Variants in C9orf152 observed in about 807,000 individuals in gnomAD.
C9orf152 encodes chromosome 9 open reading frame 152.
Under a neutral mutation model 8.5 loss-of-function variants are expected in C9orf152, and 8 were observed. The ratio of observed to expected loss-of-function variants is 0.94; its 90% CI spans 0.55 to 1.70. The LOEUF is 1.70. Among genes scored for constraint, C9orf152 ranks in the 40% most tolerant of loss-of-function variants. The probability of loss-of-function intolerance (pLI) is 0.00; values close to 1 mark genes in which losing one functional copy is unlikely to be tolerated. For missense variants in C9orf152, 293 were observed against 286.2 expected (o/e 1.02, Z -0.17); for synonymous variants, 109 against 113.0 (o/e 0.96, Z 0.22).
At position 110,207,392 on chromosome 9, in the gene C9orf152, G is replaced by C. The variant is rs776338314; in HGVS notation, c.188C>G (p.Pro63Arg). Reference protein sequence around the residue: ...QRTQAHLLVLPKGGNTPAPAE... With the variant: ...QRTQAHLLVLRKGGNTPAPAE... Reference sequence around the variant, plus strand: ...CAGCACCTGTCCATTCCTACCTTTTGGAAGCACCAGGAGGTGGGCCTGGGT... The same window carrying C: ...CAGCACCTGTCCATTCCTACCTTTTCGAAGCACCAGGAGGTGGGCCTGGGT... Residue 63 changes from proline (P) to arginine (R), a missense_variant, in exon 1 of 2, where the codon CCA becomes CGA. By Grantham distance (103) the Pro-to-Arg change is moderately radical. Coordinates refer to ENST00000400613, the MANE Select transcript of C9orf152 (RefSeq NM_001012993.3). 2 of 1,611,834 alleles carry C rather than the reference G, an allele frequency of 1.2e-6. No homozygotes were observed. Among genetic ancestry groups the C allele is most frequent in the African/African-American group, 2.7e-5 (2 of 74,954 alleles).
At chr9:110,206,287 T>A (rs988278296) in intron 1 of C9orf152, among the ~76,000 whole-genome samples, 3 of 151,296 alleles carry the variant, frequency 2.0e-5, no homozygotes, top group Non-Finnish European at 4.4e-5. Flanking sequence ...GAATTTGAGA[T>A]GTCTTTGGAT....
At chr9:110,205,650 G>A (rs1450107473) in intron 1 of C9orf152, among the ~76,000 whole-genome samples, 2 of 152,166 alleles carry the variant, frequency 1.3e-5, no homozygotes, top group Non-Finnish European at 2.9e-5. Context: ...TATGTAACTT[G>A]TTTAAAGCTG....
chr9:110,200,901 GGCCATA>G lies in C9orf152; in HGVS notation c.*41_*46del. The G allele has an allele frequency of 6.5e-7, 1 of 1,538,860 alleles. No individual in the cohort carries two copies. Among genetic ancestry groups the G allele is most frequent in the South Asian group, 1.3e-5 (1 of 76,760 alleles). Reference sequence around the variant, plus strand: ...CTCTGCCTCCTTGGTTCTTCTATAAGGCCATAGGTGGCCTCAAGGTCAAGACATCTG... The same window carrying G: ...CTCTGCCTCCTTGGTTCTTCTATAAGGGTGGCCTCAAGGTCAAGACATCTG... On this transcript the variant is annotated 3_prime_UTR_variant, in exon 2 of 2. Transcript: ENST00000400613.
At chr9:110,202,925 T>G (rs1417659312) in intron 1 of C9orf152, among the ~76,000 whole-genome samples, 1 of 152,034 alleles carries the variant, frequency 6.6e-6, no homozygotes, top group Non-Finnish European at 1.5e-5. Context: ...CTGTCAACAC[T>G]AACTCTAGTG....
rs369560188 is a variant in C9orf152 at position 110,200,977 on chromosome 9, G to C, written c.691C>G (p.Arg231Gly). The C allele has an allele frequency of 9.3e-6, 15 of 1,612,810 alleles. 1 individual carries two copies. In the South Asian group the frequency reaches 1.7e-4, roughly 18 times the overall value. Reference sequence around the variant, plus strand: ...GCTGAGCCATATAAGCCCAGGTTCCGGGCAGCTTGGGAGATCCTGGGTGTT... The same window carrying C: ...GCTGAGCCATATAAGCCCAGGTTCCCGGCAGCTTGGGAGATCCTGGGTGTT... ...RKTPRISQAA[R>G]NLGLYGSA The change falls in exon 2 of 2, where the codon CGG (arginine) becomes GGG (glycine). Residue 231 changes from arginine (R) to glycine (G), a missense_variant. Coordinates refer to ENST00000400613, the MANE Select transcript of C9orf152 (RefSeq NM_001012993.3).
chr9:110,207,405 G>A lies in C9orf152; in HGVS notation c.175C>T (p.Leu59Phe), dbSNP rs373265236. 17 of 1,612,462 alleles carry A rather than the reference G, an allele frequency of 1.1e-5. 1 individual carries two copies. The highest frequency in any genetic ancestry group is 3.3e-5 in the South Asian group (3 of 90,812). Residue 59 changes from leucine (L) to phenylalanine (F), a missense_variant, in exon 1 of 2, where the codon CTC becomes TTC. Leu to Phe is a conservative substitution (Grantham distance 22). Coordinates refer to ENST00000400613, the MANE Select transcript of C9orf152 (RefSeq NM_001012993.3). ...LKRQQRTQAHLLVLPKGGNTP... is the reference protein window; with the variant it reads ...LKRQQRTQAHFLVLPKGGNTP... ...TTCCTACCTTTTGGAAGCACCAGGA[G>A]GTGGGCCTGGGTCCTCTGCTGCCTC... is the stretch of plus-strand genomic sequence containing the variant.
In C9orf152 at chr9:110,200,723, A is replaced by T; in HGVS notation, c.*225T>A. 2 of 534,354 alleles carry T rather than the reference A, an allele frequency of 3.7e-6. No homozygotes were observed. Among genetic ancestry groups the T allele is most frequent in the Non-Finnish European group, 3.3e-6 (1 of 304,300 alleles). The allele number at this position is 534,354 out of a possible 1,614,324, so 33.1% of individuals were successfully genotyped here. On this transcript the variant is annotated 3_prime_UTR_variant, in exon 2 of 2. Transcript: ENST00000400613. Reference sequence around the variant, plus strand: ...CAGAATGGGGCTGCACTGACCAGACAGTCCTCTTCATCCTAAACTGTGGGC... The same window carrying T: ...CAGAATGGGGCTGCACTGACCAGACTGTCCTCTTCATCCTAAACTGTGGGC...
intron 1 of C9orf152, among the ~76,000 whole-genome samples, chr9:110,203,748 C>A (rs1026079258): frequency 6.6e-6 from 1 of 152,174 alleles, no homozygotes; most frequent in Admixed American, 6.5e-5. Context: ...ATCTATAATA[C>A]CTTCTTCATT....
intron 1 of C9orf152, among the ~76,000 whole-genome samples, chr9:110,201,679 A>T (rs1189103572): frequency 6.6e-6 from 1 of 152,164 alleles, no homozygotes; most frequent in Non-Finnish European, 1.5e-5. Context: ...ATATACTCAC[A>T]CACACACAAT....
chr9:110,207,445 C>A lies in C9orf152; in HGVS notation c.135G>T (p.Gln45His). 1 of 1,613,542 alleles carries A rather than the reference C, an allele frequency of 6.2e-7. No homozygotes were observed. Among genetic ancestry groups the A allele is most frequent in the Non-Finnish European group, 8.5e-7 (1 of 1,179,724 alleles). Reference sequence around the variant, plus strand: ...TCTGCTGCCTCTTCAAGCCTTCATACTGGGCTCGCAGGAACTGGATGCTGA... The same window carrying A: ...TCTGCTGCCTCTTCAAGCCTTCATAATGGGCTCGCAGGAACTGGATGCTGA... ...PPLSIQFLRA[Q>H]YEGLKRQQRT... The change falls in exon 1 of 2, where the codon CAG (glutamine) becomes CAT (histidine). Residue 45 changes from glutamine to histidine, a missense_variant. By Grantham distance (24) the Gln-to-His change is conservative (BLOSUM62 0). Transcript: ENST00000400613.
chr9:110,203,321 C>A (rs1837242957), intron 1 of C9orf152, among the ~76,000 whole-genome samples: 1 of 152,066 alleles, frequency 6.6e-6, no homozygotes, highest in Admixed American at 6.5e-5. Context: ...CCGCGGCCAG[C>A]CAAAGGAAAC....
chr9:110,202,844 C>T (rs1837238214), intron 1 of C9orf152, among the ~76,000 whole-genome samples: 1 of 151,932 alleles, frequency 6.6e-6, no homozygotes, highest in Non-Finnish European at 1.5e-5. Flanking sequence ...AAAGAAGCCC[C>T]TGAGCTCCAA....
intron 1 of C9orf152, among the ~76,000 whole-genome samples, chr9:110,206,907 C>T (rs562037218): frequency 1.4e-4 from 21 of 152,222 alleles, no homozygotes; most frequent in Non-Finnish European, 2.5e-4. Flanking sequence ...TCCAATCACA[C>T]CTCCCTGCCT....
chr9:110,203,302 C>T (rs539738171), intron 1 of C9orf152, among the ~76,000 whole-genome samples: 4 of 152,230 alleles, frequency 2.6e-5, no homozygotes, highest in East Asian at 1.9e-4. Flanking sequence ...GGATTACAGG[C>T]GTGAGCCACC....
chr9:110,206,209 G>T (rs575676853), intron 1 of C9orf152, among the ~76,000 whole-genome samples: 1 of 152,180 alleles, frequency 6.6e-6, no homozygotes, highest in East Asian at 1.9e-4. Flanking sequence ...TGGGAAAGGG[G>T]GTACCGAGTT....
rs1262559410 is a variant in C9orf152 at position 110,200,756 on chromosome 9, C to T, written c.*192G>A. ...TCATCCTAAACTGTGGGCAATTTGG[C>T]CTGGGAAGTCTCTTCTTATTGGAAG... On this transcript the variant is annotated 3_prime_UTR_variant, in exon 2 of 2. Coordinates refer to ENST00000400613, the MANE Select transcript of C9orf152 (RefSeq NM_001012993.3). The T allele has an allele frequency of 3.3e-6, 2 of 602,764 alleles. No individual in the cohort carries two copies. The highest frequency in any genetic ancestry group is 1.9e-5 in the African/African-American group (1 of 53,876). 37.3% of individuals were successfully genotyped at this position (602,764 alleles called of 1,614,324 possible).
intron 1 of C9orf152, among the ~76,000 whole-genome samples, chr9:110,203,355 T>C (rs1336449702): frequency 6.6e-6 from 1 of 152,140 alleles, no homozygotes; most frequent in African/African-American, 2.4e-5. Context: ...CAACATGTTA[T>C]GTACTTATTT....
chr9:110,200,930 C>A lies in C9orf152; in HGVS notation c.*18G>T. 6.3e-7 allele frequency: 1 copy of A among 1,575,468 alleles called. No individual in the cohort carries two copies. Among genetic ancestry groups the A allele is most frequent in the African/African-American group, 1.4e-5 (1 of 73,628 alleles). On this transcript the variant is annotated 3_prime_UTR_variant, in exon 2 of 2. Coordinates refer to ENST00000400613, the MANE Select transcript of C9orf152 (RefSeq NM_001012993.3). ...ATAGGTGGCCTCAAGGTCAAGACAT[C>A]TGGCAGAATAGAAAGCTTCACGCTG... is the stretch of plus-strand genomic sequence containing the variant.
intron 1 of C9orf152, among the ~76,000 whole-genome samples, chr9:110,201,683 A>T (rs912162821): frequency 6.6e-6 from 1 of 152,082 alleles, no homozygotes; most frequent in Non-Finnish European, 1.5e-5. Flanking sequence ...ACTCACACAC[A>T]CACAATTATT....
Sources: allele counts gnomAD v4.1 joint callset (sites outside exome capture counted in the v4.1 genomes callset), GRCh38; gene constraint gnomAD v4.1.1; transcripts MANE v1.5; gene names NCBI Gene and HGNC (gene_info 2026-07-23, HGNC 2026-07-21).